The following MDM2 variants were observed in gnomAD, a reference collection of about 807,000 sequenced individuals.
The protein encoded by MDM2 is MDM2 proto-oncogene, also known as E3 ubiquitin-protein ligase Mdm2.
MDM2 carries 11 observed loss-of-function variants against 64.3 expected under a neutral mutation model. That is an observed-to-expected ratio of 0.17 (90% CI 0.11 to 0.28). MDM2 has a LOEUF of 0.28. Among genes scored for constraint, MDM2 ranks in the 10% least tolerant of loss-of-function variants. The pLI is 1.00. For synonymous variants in MDM2, 194 were observed against 192.9 expected, an observed-to-expected ratio of 1.01 and a Z score of -0.05; for missense variants, 388 against 577.1, an observed-to-expected ratio of 0.67 and a Z score of 3.36.
At position 68,809,240 on chromosome 12, in the gene MDM2, C is replaced by G. The variant is rs1880642775; in HGVS notation, c.47C>G (p.Thr16Ser). 6.2e-7 allele frequency: 1 copy of G among 1,614,112 alleles called. No individual in the cohort carries two copies. Among genetic ancestry groups the G allele is most frequent in the Non-Finnish European group, 8.5e-7 (1 of 1,180,008 alleles). ...QMCNTNMSVP[T>S]DGAVTTSQIP... is the part of the protein sequence containing the mutation. ...TGCAATACCAACATGTCTGTACCTA[C>G]TGATGGTGCTGTAACCACCTCACAG... The change falls in exon 2 of 11, where the codon ACT becomes AGT. Residue 16 changes from threonine (T) to serine (S), a missense_variant. Physicochemically the swap from Thr to Ser is moderately conservative, Grantham distance 58. Transcript: ENST00000258149.
chr12:68,822,939 C>A (rs949559643), intron 5 of MDM2, among the ~76,000 whole-genome samples: 2 of 152,126 alleles, frequency 1.3e-5, no homozygotes, highest in African/African-American at 4.8e-5. Flanking sequence ...AAGGGTTTCA[C>A]CATGTTGACC....
At chr12:68,833,119 C>T (rs756305304) in intron 8 of MDM2, among the ~76,000 whole-genome samples, 10 of 75,450 alleles carry the variant, frequency 1.3e-4, no homozygotes, top group Non-Finnish European at 1.8e-4. Context: ...GAGCGAGACT[C>T]TGTCTCCAAA....
In MDM2 at chr12:68,811,091, C is replaced by T. The variant is rs3730500; in HGVS notation, c.99+1799C>T. Reference sequence around the variant, plus strand: ...TGTTGGTCAGGCTGGTCTTGAACTCCCAACTTCAGGTGATCTGCCTGCCTC... The same window carrying T: ...TGTTGGTCAGGCTGGTCTTGAACTCTCAACTTCAGGTGATCTGCCTGCCTC... On this transcript the variant is annotated intron_variant, in intron 2 of 10. Coordinates refer to ENST00000258149, the MANE Select transcript of MDM2 (RefSeq NM_002392.6). Among the ~76,000 whole-genome samples the T allele has an allele frequency of 8.7e-3, 1,317 of 151,978 alleles. 5 individuals carry two copies. The highest frequency in any genetic ancestry group is 0.022 in the South Asian group (103 of 4,772).
intron 7 of MDM2, 145 bp from the exon 8 acceptor site, chr12:68,828,626 G>T: frequency 1.6e-6 from 1 of 636,264 alleles, no homozygotes; most frequent in South Asian, 2.0e-5. Flanking sequence ...GTGTTCTGCT[G>T]TAACAGTTGG....
chr12:68,833,309 A>ATATATTTATAT (rs1428704968), intron 8 of MDM2, among the ~76,000 whole-genome samples: 2,341 of 65,208 alleles, frequency 0.036, 298 homozygotes, highest in Non-Finnish European at 0.06. Flanking sequence ...ATATAAATAT[A>ATATATTTATAT]AAAATATAAT....
intron 7 of MDM2, among the ~76,000 whole-genome samples, chr12:68,826,459 G>A (rs1433219777): frequency 6.6e-6 from 1 of 151,854 alleles, no homozygotes; most frequent in Non-Finnish European, 1.5e-5. Flanking sequence ...GACCAACCTG[G>A]CCAACATGGT....
Position 68,839,419 on chromosome 12 carries a change from ACT to A in MDM2, c.1066_1067del (p.Ser356AsnfsTer4). On this transcript the variant is annotated frameshift_variant, in exon 11 of 11. Transcript: ENST00000258149. LOFTEE classifies it high-confidence loss of function. Reference sequence around the variant, plus strand: ...ATCTCTGAGAAAGCCAAACTGGAAAACTCAACACAAGCTGAAGAGGGCTTTGA... The same window carrying A: ...ATCTCTGAGAAAGCCAAACTGGAAAACAACACAAGCTGAAGAGGGCTTTGA... 6.2e-7 allele frequency: 1 copy of A among 1,613,726 alleles called. No individual in the cohort carries two copies. Among genetic ancestry groups the A allele is most frequent in the Non-Finnish European group, 8.5e-7 (1 of 1,179,976 alleles).
In MDM2 at chr12:68,835,965, T is replaced by C. The variant is rs1385029841; in HGVS notation, c.821T>C (p.Leu274Pro). The C allele has an allele frequency of 9.3e-6, 15 of 1,607,382 alleles. No individual in the cohort carries two copies. Among genetic ancestry groups the C allele is most frequent in the Admixed American group, 1.7e-5 (1 of 59,504 alleles). Residue 274 changes from leucine (L) to proline (P), a missense_variant, in exon 9 of 11, where the codon CTC becomes CCC. Leu to Pro is a moderately conservative substitution (Grantham distance 98). Around this residue, in one of 5 missense-constraint regions of MDM2, gnomAD observed 168 missense variants for 236.6 expected, o/e 0.71. Transcript: ENST00000258149. ...DYSLSEEGQE[L>P]SDEDDEVYQV... ...AGCCTTAGTGAAGAAGGACAAGAAC[T>C]CTCAGATGAAGATGATGAGGTAGTA... is the stretch of plus-strand genomic sequence containing the variant.
intron 4 of MDM2, among the ~76,000 whole-genome samples, chr12:68,818,467 G>C (rs1010832535): frequency 6.7e-6 from 1 of 150,300 alleles, no homozygotes; most frequent in Non-Finnish European, 1.5e-5. Flanking sequence ...ATGTGCAACT[G>C]TGTGTTTTAA....
At chr12:68,821,275 T>C (rs1881826179) in intron 5 of MDM2, among the ~76,000 whole-genome samples, 1 of 152,008 alleles carries the variant, frequency 6.6e-6, no homozygotes, top group African/African-American at 2.4e-5. Context: ...CTCGAACTCC[T>C]GACCTTGTGA....
rs1454265046 is a variant in MDM2, at chr12:68,843,463, T to C, written c.*3614T>C. 1.8e-5 allele frequency: 4 copies of C among 227,784 alleles called. No individual in the cohort carries two copies. The highest frequency in any genetic ancestry group is 2.6e-5 in the Non-Finnish European group (3 of 114,850). 14.1% of individuals were successfully genotyped at this position (227,784 alleles called of 1,614,324 possible). The stretch of plus-strand genomic sequence containing the variant: ...CATATTTACAATTATGTATTTAACA[T>C]TTAAAATTTCTAATATAAGTATCTC... On this transcript the variant is annotated 3_prime_UTR_variant, in exon 11 of 11. Coordinates refer to ENST00000258149, the MANE Select transcript of MDM2 (RefSeq NM_002392.6).
chr12:68,848,432 T>C (rs1884478100), downstream of MDM2: 1 of 152,220 alleles, frequency 6.6e-6, no homozygotes. Context: ...CCCAAAGTGC[T>C]GGGATTACAG....
At chr12:68,819,553 G>A (rs767692026) in intron 4 of MDM2, among the ~76,000 whole-genome samples, 11 of 152,250 alleles carry the variant, frequency 7.2e-5, no homozygotes, top group South Asian at 2.1e-4. Flanking sequence ...GTGCAATGGC[G>A]TGATCTTGGC....
chr12:68,833,815 T>C lies in MDM2; in HGVS notation c.685-2014T>C, dbSNP rs114034441. ...AGTATGTTTTCTGAGATTTAATGTTTCTTGTGATTTACCCCCTTATTCTAA... is the reference window on the plus strand; with the variant it reads ...AGTATGTTTTCTGAGATTTAATGTTCCTTGTGATTTACCCCCTTATTCTAA... On this transcript the variant is annotated intron_variant, in intron 8 of 10. Transcript: ENST00000258149. 2.0e-3 allele frequency among the ~76,000 whole-genome samples: 297 copies of C among 152,296 alleles called. 2 individuals are homozygous for C. The highest frequency in any genetic ancestry group is 7.0e-3 in the African/African-American group (289 of 41,568).
At chr12:68,836,035 CTA>C in intron 9 of MDM2, 51 bp downstream of exon 9, 2 of 1,413,082 alleles carry the variant, frequency 1.4e-6, no homozygotes, top group Non-Finnish European at 1.9e-6. Context: ...TAAATATTTT[CTA>C]TGTTCATTGA....
At position 68,824,992 on chromosome 12, in the gene MDM2, A is replaced by G. The variant is rs1049133674; in HGVS notation, c.523+341A>G. Among the ~76,000 whole-genome samples the G allele has an allele frequency of 2.0e-5, 3 of 152,080 alleles. No homozygotes were observed. The East Asian group carries it at 5.8e-4, about 29-fold the overall frequency. ...GGGAGGCCGAGGCTGGCGGATCACG[A>G]GGTCAGGAGTTCGAGACCAGCCTGA... On this transcript the variant is annotated intron_variant, in intron 7 of 10. Coordinates refer to ENST00000258149, the MANE Select transcript of MDM2 (RefSeq NM_002392.6).
intron 2 of MDM2, 61 bp from the exon 3 acceptor site, chr12:68,813,493 G>A (rs1881086733): frequency 8.8e-7 from 1 of 1,136,210 alleles, no homozygotes; most frequent in Non-Finnish European, 1.3e-6. Flanking sequence ...TATGTTTGCT[G>A]CAGGGCCTAT....
chr12:68,810,787 G>T (rs1880818909), intron 2 of MDM2, among the ~76,000 whole-genome samples: 1 of 149,804 alleles, frequency 6.7e-6, no homozygotes, highest in Non-Finnish European at 1.5e-5. Context: ...CTATTTTTTT[G>T]ATAAAAGGTA....
At position 68,828,544 on chromosome 12, in the gene MDM2, A is replaced by G. The variant is rs1156492808; in HGVS notation, c.524-227A>G. ...AGCCGAGATTGTGCCTCTGTACTCC[A>G]GCCTGGGTGACAGAGCAAGACCCTT... On this transcript the variant is annotated intron_variant, in intron 7 of 10. Transcript: ENST00000258149. The G allele has an allele frequency of 6.3e-5, 25 of 397,054 alleles. No individual in the cohort carries two copies. In the Admixed American group the frequency reaches 9.1e-4, roughly 14 times the overall value. The allele number at this position is 397,054 out of a possible 1,614,324, so 24.6% of individuals were successfully genotyped here.
Sources: allele counts gnomAD v4.1 joint callset (sites outside exome capture counted in the v4.1 genomes callset), GRCh38; gene constraint gnomAD v4.1.1; regional missense constraint gnomAD v4.1.1; transcripts MANE v1.5; gene names NCBI Gene and HGNC (gene_info 2026-07-23, HGNC 2026-07-21).